TBC1D22A: variants seen among roughly 807,000 people sequenced by gnomAD.
TBC1D22A encodes the protein putative GTPase activator.
Under a neutral mutation model 60.2 loss-of-function variants are expected in TBC1D22A, and 38 were observed. That is an observed-to-expected ratio of 0.63 (90% CI 0.49 to 0.83). The LOEUF is 0.83. Among genes scored for constraint, TBC1D22A ranks in the 40% least tolerant of loss-of-function variants. TBC1D22A has a pLI of 0.00. For synonymous variants in TBC1D22A, 302 were observed against 281.7 expected, an observed-to-expected ratio of 1.07 and a Z score of -0.72; for missense variants, 628 against 701.0, an observed-to-expected ratio of 0.90 and a Z score of 1.18.
intron 4 of TBC1D22A, among the ~76,000 whole-genome samples, chr22:46,832,129 C>T (rs529597227): frequency 5.3e-5 from 8 of 152,258 alleles, no homozygotes; most frequent in African/African-American, 1.2e-4. Context: ...TGGGTTTGGG[C>T]AGGATGTCTG....
chr22:47,096,916 G>A (rs1470476330), intron 11 of TBC1D22A, among the ~76,000 whole-genome samples: 2 of 152,228 alleles, frequency 1.3e-5, no homozygotes, highest in African/African-American at 4.8e-5. Flanking sequence ...CTCAGTTCGC[G>A]TGTGGTGTGC....
intron 12 of TBC1D22A, among the ~76,000 whole-genome samples, chr22:47,114,607 C>T (rs1055558561): frequency 6.6e-6 from 1 of 152,100 alleles, no homozygotes; most frequent in Admixed American, 6.5e-5. Context: ...GACGCTTCCG[C>T]ATCCATGGGA....
chr22:46,937,461 C>T (rs993192167), intron 8 of TBC1D22A, among the ~76,000 whole-genome samples: 2 of 152,180 alleles, frequency 1.3e-5, no homozygotes, highest in Non-Finnish European at 2.9e-5. Context: ...GTCAACAAAC[C>T]TACTGCACTG....
chr22:46,824,469 G>A (rs746685806), intron 4 of TBC1D22A, among the ~76,000 whole-genome samples: 16 of 152,222 alleles, frequency 1.1e-4, no homozygotes, highest in Non-Finnish European at 2.1e-4. Context: ...TGAAGGTGGA[G>A]CTTGGAGGCG....
chr22:47,061,243 C>T (rs1346848288), intron 11 of TBC1D22A, among the ~76,000 whole-genome samples: 2 of 152,220 alleles, frequency 1.3e-5, no homozygotes, highest in Non-Finnish European at 2.9e-5. Context: ...GCCACGCTGT[C>T]TTCCTCGGTG....
chr22:47,140,553 C>CA (rs940877057), intron 12 of TBC1D22A, among the ~76,000 whole-genome samples: 4,408 of 69,488 alleles, frequency 0.063, 218 homozygotes, highest in African/African-American at 0.18. Context: ...GACTCTGTCT[C>CA]AAAAAAAAAA....
At chr22:46,915,837 G>A (rs1197187148) in intron 8 of TBC1D22A, 16 of 456,136 alleles carry the variant, frequency 3.5e-5, no homozygotes, top group Non-Finnish European at 5.7e-5. Flanking sequence ...CTGGAGTGTG[G>A]CATTGGTCCT....
chr22:47,066,973 A>G (rs2063794471), intron 11 of TBC1D22A, among the ~76,000 whole-genome samples: 1 of 152,170 alleles, frequency 6.6e-6, no homozygotes, highest in African/African-American at 2.4e-5. Flanking sequence ...CCTTTTAAAA[A>G]AACTCATTTT....
At chr22:47,110,888 G>A (rs1431070318) in intron 11 of TBC1D22A, among the ~76,000 whole-genome samples, 2 of 152,238 alleles carry the variant, frequency 1.3e-5, no homozygotes, top group Non-Finnish European at 2.9e-5. Flanking sequence ...TCCGGGATGA[G>A]TAAGGGGTAG....
intron 12 of TBC1D22A, among the ~76,000 whole-genome samples, chr22:47,130,076 A>C (rs2066628289): frequency 6.6e-6 from 1 of 152,168 alleles, no homozygotes; most frequent in Non-Finnish European, 1.5e-5. Context: ...GGGCTGTGTC[A>C]GCGTCACTGC....
chr22:46,988,070 A>G (rs940093280), intron 9 of TBC1D22A, among the ~76,000 whole-genome samples: 33 of 137,848 alleles, frequency 2.4e-4, no homozygotes, highest in Admixed American at 1.7e-3. Flanking sequence ...TCATTCTGGG[A>G]AAAGAAAAGA....
At chr22:47,032,123 C>T (rs1217040965) in intron 10 of TBC1D22A, among the ~76,000 whole-genome samples, 1 of 152,244 alleles carries the variant, frequency 6.6e-6, no homozygotes, top group Non-Finnish European at 1.5e-5. Flanking sequence ...GCTGCTGCTG[C>T]TCTAGGCAGG....
intron 11 of TBC1D22A, among the ~76,000 whole-genome samples, chr22:47,061,454 C>G (rs1270125880): frequency 6.6e-6 from 1 of 152,254 alleles, no homozygotes; most frequent in Non-Finnish European, 1.5e-5. Context: ...CCTGCTCGTC[C>G]TCAGCCACCA....
At chr22:46,779,286 A>G (rs948227936) in intron 1 of TBC1D22A, among the ~76,000 whole-genome samples, 2 of 152,222 alleles carry the variant, frequency 1.3e-5, no homozygotes, top group African/African-American at 4.8e-5. Flanking sequence ...CAACTGCATT[A>G]TAGTCTTACA....
Position 47,058,943 on chromosome 22 carries a change from A to T in TBC1D22A, c.1329+21745A>T, listed in dbSNP as rs544775783. On this transcript the variant is annotated intron_variant, in intron 11 of 12. Coordinates refer to ENST00000337137, the MANE Select transcript of TBC1D22A (RefSeq NM_014346.5). ...GAACCTCTCCCCATACCCCTCCCTC[A>T]GTTGAGGGTGAAGAAGGACCAGTCA... 2.0e-5 allele frequency among the ~76,000 whole-genome samples: 3 copies of T among 152,262 alleles called. No homozygotes were observed. The South Asian group carries it at 6.2e-4, about 32-fold the overall frequency.
intron 4 of TBC1D22A, among the ~76,000 whole-genome samples, chr22:46,833,672 C>T (rs964250766): frequency 6.6e-6 from 1 of 152,218 alleles, no homozygotes; most frequent in Non-Finnish European, 1.5e-5. Flanking sequence ...AAGGTGACAA[C>T]TGAGCAGAGG....
chr22:46,935,414 C>T (rs1019705261), intron 8 of TBC1D22A, among the ~76,000 whole-genome samples: 3 of 152,188 alleles, frequency 2.0e-5, no homozygotes, highest in Non-Finnish European at 4.4e-5. Context: ...TTACTGAGTT[C>T]GCACAGTGAA....
chr22:46,836,236 C>G (rs979596971), intron 4 of TBC1D22A, among the ~76,000 whole-genome samples: 1 of 151,822 alleles, frequency 6.6e-6, no homozygotes, highest in Admixed American at 6.6e-5. Context: ...AGTTAAACAC[C>G]AAAAATATTA....
At chr22:46,897,358 G>A (rs931985328) in intron 7 of TBC1D22A, among the ~76,000 whole-genome samples, 2 of 152,146 alleles carry the variant, frequency 1.3e-5, no homozygotes, top group East Asian at 1.9e-4. Flanking sequence ...CTGATTGGTT[G>A]CAGAAAGCGA....
Sources: allele counts gnomAD v4.1 joint callset (sites outside exome capture counted in the v4.1 genomes callset), GRCh38; gene constraint gnomAD v4.1.1; transcripts MANE v1.5; gene names NCBI Gene and HGNC (gene_info 2026-07-23, HGNC 2026-07-21).